The following CCDC33 variants were observed in gnomAD, a reference collection of about 807,000 sequenced individuals.
The protein encoded by CCDC33 is coiled-coil domain-containing protein 33.
Under a neutral mutation model 91.9 loss-of-function variants are expected in CCDC33, and 94 were observed. The observed-to-expected ratio is 1.02, with a 90% CI of 0.87 to 1.21. CCDC33 has a LOEUF of 1.21. Ranked by LOEUF, CCDC33 falls within the 50% of genes most tolerant of loss-of-function variation. The pLI is 0.00. For synonymous variants in CCDC33, 396 were observed against 374.5 expected (o/e 1.06, Z -0.66); for missense variants, 940 against 935.5 (o/e 1.00, Z -0.06).
chr15:74,271,719 T>G lies in CCDC33; in HGVS notation c.563T>G (p.Val188Gly). The G allele has an allele frequency of 6.2e-7, 1 of 1,613,398 alleles. No homozygotes were observed. The highest frequency in any genetic ancestry group is 8.5e-7 in the Non-Finnish European group (1 of 1,179,506). ...CCTCTCCAGATCTTTCTCCGGGGAG[T>G]CAACGAGCCCCTGGCCAACAACCCC... is the stretch of plus-strand genomic sequence containing the variant. ...HMALEIFLRG[V>G]NEPLANNPNP... The change falls in exon 6 of 19, where the codon GTC becomes GGC. Residue 188 changes from valine (V) to glycine (G), a missense_variant. Coordinates refer to ENST00000398814, the MANE Select transcript of CCDC33 (RefSeq NM_025055.5).
chr15:74,281,242 G>T (rs2059357406), intron 9 of CCDC33, among the ~76,000 whole-genome samples: 1 of 152,224 alleles, frequency 6.6e-6, no homozygotes, highest in African/African-American at 2.4e-5. Context: ...CAGAGCTCAG[G>T]CTCTAGAGCC....
At position 74,246,869 on chromosome 15, in the gene CCDC33, G is replaced by C. The variant is rs200974630; in HGVS notation, c.185+2721G>C. ...CAGTATTTTGAAAAGATATCGGGCC[G>C]GGCGCAGTGGCTCACGCCTGTAATC... On this transcript the variant is annotated intron_variant, in intron 2 of 18. Coordinates refer to ENST00000398814, the MANE Select transcript of CCDC33 (RefSeq NM_025055.5). Among the ~76,000 whole-genome samples, 18 of 152,292 alleles carry C rather than the reference G, an allele frequency of 1.2e-4. 1 individual carries two copies. In the East Asian group the frequency reaches 3.5e-3, roughly 29 times the overall value.
chr15:74,269,392 C>T (rs2076255311), intron 5 of CCDC33, among the ~76,000 whole-genome samples: 3 of 152,146 alleles, frequency 2.0e-5, no homozygotes, highest in Admixed American at 2.0e-4. Flanking sequence ...GACACTGAGA[C>T]CCAAGGGGAG....
chr15:74,298,261 ATGATGATGATGGTGGTGGTGATGATGG>A (rs1269624630), intron 11 of CCDC33, among the ~76,000 whole-genome samples: 1 of 152,060 alleles, frequency 6.6e-6, no homozygotes, highest in Admixed American at 6.6e-5. Context: ...AAACTTGATG[ATGATGATGATGGTGGTGGTGATGATGG>A]TGATGATGAT....
At chr15:74,330,454 G>A in intron 12 of CCDC33, 100 bp downstream of exon 12, 1 of 1,345,486 alleles carries the variant, frequency 7.4e-7, no homozygotes, top group Non-Finnish European at 1.0e-6. Flanking sequence ...AGATGTGCAT[G>A]CTGCTGGACT....
intron 11 of CCDC33, among the ~76,000 whole-genome samples, chr15:74,326,890 A>T (rs1373989860): frequency 1.3e-5 from 2 of 152,148 alleles, no homozygotes; most frequent in African/African-American, 4.8e-5. Flanking sequence ...CTGGGCTGTG[A>T]CGCAGAGCAT....
At chr15:74,208,784 C>T (rs2142117607) in intron 1 of CCDC33, 2 of 988,896 alleles carry the variant, frequency 2.0e-6, no homozygotes, top group African/African-American at 1.7e-5. Flanking sequence ...GCCTCCCAGA[C>T]TTGGCTCCAG....
intron 11 of CCDC33, among the ~76,000 whole-genome samples, chr15:74,327,977 G>A (rs2060344578): frequency 6.6e-6 from 1 of 152,220 alleles, no homozygotes; most frequent in Non-Finnish European, 1.5e-5. Context: ...CACAAGCTGT[G>A]CTGCAGTGAG....
At position 74,244,533 on chromosome 15, in the gene CCDC33, C is replaced by T. The variant is rs2075456694; in HGVS notation, c.185+385C>T. Among the ~76,000 whole-genome samples the T allele has an allele frequency of 6.6e-6, 1 of 152,060 alleles. No homozygotes were observed. The highest frequency in any genetic ancestry group is 6.5e-5 in the Admixed American group (1 of 15,268). On this transcript the variant is annotated intron_variant, in intron 2 of 18. Transcript: ENST00000398814. This position sits in a 1 kb window ranked among gnomAD's most constrained non-coding sequence, Gnocchi z 4.2. The stretch of plus-strand genomic sequence containing the variant: ...CTCTCCTGACTTCTGGGTGCCCCAC[C>T]CCACCATACCCAGCCCTGGGGTAGG...
chr15:74,208,078 T>C, intron 1 of CCDC33: 2 of 1,232,096 alleles, frequency 1.6e-6, no homozygotes, highest in Non-Finnish European at 2.1e-6. Context: ...CAGGCTGTTC[T>C]GGTATGAGGG....
chr15:74,331,166 G>T (rs761456849), intron 14 of CCDC33, 37 bp from the exon 15 acceptor site: 1 of 1,613,960 alleles, frequency 6.2e-7, no homozygotes, highest in Non-Finnish European at 8.5e-7. Context: ...AGAGTAGGGA[G>T]CCCCTGGGCC....
chr15:74,333,053 C>A, intron 16 of CCDC33: 1 of 753,856 alleles, frequency 1.3e-6, no homozygotes, highest in Non-Finnish European at 2.2e-6. Context: ...TTAACCTCAT[C>A]TAGCATCCCA....
At chr15:74,312,201 C>T (rs2060005142) in intron 11 of CCDC33, among the ~76,000 whole-genome samples, 1 of 152,324 alleles carries the variant, frequency 6.6e-6, no homozygotes, top group African/African-American at 2.4e-5. Flanking sequence ...CCCTTTCACC[C>T]CCTTGCCCTT....
chr15:74,243,166 T>A (rs1209876892), intron 1 of CCDC33, among the ~76,000 whole-genome samples: 1 of 152,188 alleles, frequency 6.6e-6, no homozygotes, highest in African/African-American at 2.4e-5. Flanking sequence ...AGTCCGCAAG[T>A]TTCCTGGGTA....
At chr15:74,327,069 G>A (rs995133984) in intron 11 of CCDC33, among the ~76,000 whole-genome samples, 1 of 152,122 alleles carries the variant, frequency 6.6e-6, no homozygotes, top group Non-Finnish European at 1.5e-5. Context: ...AGATGTAGAG[G>A]GAAGAGAGCA....
At chr15:74,250,068 C>T (rs1382596781) in intron 2 of CCDC33, among the ~76,000 whole-genome samples, 1 of 152,192 alleles carries the variant, frequency 6.6e-6, no homozygotes, top group Non-Finnish European at 1.5e-5. Flanking sequence ...TCAGGAATCA[C>T]ATTCTTCCCT....
chr15:74,317,055 C>A (rs1435611908), intron 11 of CCDC33, among the ~76,000 whole-genome samples: 1 of 152,130 alleles, frequency 6.6e-6, no homozygotes, highest in African/African-American at 2.4e-5. Context: ...GAGGAAGTGT[C>A]CCCATTAAGA....
intron 2 of CCDC33, among the ~76,000 whole-genome samples, chr15:74,210,906 C>T (rs980630746): frequency 6.6e-6 from 1 of 152,160 alleles, no homozygotes; most frequent in Admixed American, 6.5e-5. Flanking sequence ...AGCTGGATCT[C>T]AGGCAGCCAT....
Position 74,274,321 on chromosome 15 carries a change from T to A in CCDC33, c.759+1430T>A, listed in dbSNP as rs140052255. On this transcript the variant is annotated intron_variant, in intron 7 of 18. Transcript: ENST00000398814. Reference sequence around the variant, plus strand: ...GTTCAGGGGAATAGCCAGATTGGTCTCTTCTCATGATCTGCGCTTCACTGC... The same window carrying A: ...GTTCAGGGGAATAGCCAGATTGGTCACTTCTCATGATCTGCGCTTCACTGC... Among the ~76,000 whole-genome samples, 3 of 151,976 alleles carry A rather than the reference T, an allele frequency of 2.0e-5. No individual in the cohort carries two copies. The East Asian group carries it at 5.8e-4, about 29-fold the overall frequency.
Sources: allele counts gnomAD v4.1 joint callset (sites outside exome capture counted in the v4.1 genomes callset), GRCh38; gene constraint gnomAD v4.1.1; non-coding constraint Gnocchi (gnomAD v3.1); transcripts MANE v1.5; gene names NCBI Gene and HGNC (gene_info 2026-07-23, HGNC 2026-07-21).